The following NRXN3 variants were observed in gnomAD, a reference collection of about 807,000 sequenced individuals.
NRXN3 encodes the protein neurexin 3.
A neutral mutation model predicts 137.6 loss-of-function variants in NRXN3; 32 were observed. That is an observed-to-expected ratio of 0.23 (90% CI 0.18 to 0.31). The LOEUF (loss-of-function observed/expected upper bound fraction) is 0.31, where lower values mean the gene tolerates loss of function less well. Among genes scored for constraint, NRXN3 ranks in the 10% least tolerant of loss-of-function variants. The pLI, the probability that NRXN3 is intolerant of heterozygous loss-of-function variation, is 1.00. For synonymous variants in NRXN3, 798 were observed against 784.5 expected, an observed-to-expected ratio of 1.02 and a Z score of -0.29; for missense variants, 1,574 against 2,062.5, an observed-to-expected ratio of 0.76 and a Z score of 4.59.
chr14:79,413,327 T>A (rs2095446327), intron 15 of NRXN3, among the ~76,000 whole-genome samples: 1 of 152,154 alleles, frequency 6.6e-6, no homozygotes, highest in African/African-American at 2.4e-5. Flanking sequence ...ACAAGTAAAT[T>A]ACATGGTTTT....
chr14:78,904,975 C>G (rs1284506713), intron 10 of NRXN3, among the ~76,000 whole-genome samples: 1 of 152,008 alleles, frequency 6.6e-6, no homozygotes, highest in Non-Finnish European at 1.5e-5. Context: ...TTTCCTCTTT[C>G]AACATGATCC....
chr14:79,406,740 T>G (rs925960760), intron 15 of NRXN3, among the ~76,000 whole-genome samples: 1 of 152,148 alleles, frequency 6.6e-6, no homozygotes, highest in African/African-American at 2.4e-5. Context: ...TTGATTATTC[T>G]TAGTAGTTTT....
At chr14:78,648,442 G>C (rs2097707976) in intron 5 of NRXN3, among the ~76,000 whole-genome samples, 1 of 152,204 alleles carries the variant, frequency 6.6e-6, no homozygotes, top group Non-Finnish European at 1.5e-5. Context: ...CATTGTTCAA[G>C]AGGAATTGGG....
chr14:78,752,955 C>A (rs2098650005), intron 8 of NRXN3, among the ~76,000 whole-genome samples: 2 of 152,212 alleles, frequency 1.3e-5, no homozygotes, highest in African/African-American at 4.8e-5. Flanking sequence ...ATTGACTCAG[C>A]ATTGGCCCAC....
intron 10 of NRXN3, among the ~76,000 whole-genome samples, chr14:78,946,813 C>T (rs986608758): frequency 2.0e-5 from 3 of 152,102 alleles, no homozygotes; most frequent in African/African-American, 7.2e-5. Context: ...GCCAGGCTTG[C>T]TGTATTAAGA....
chr14:79,730,110 C>T (rs2098916425), intron 19 of NRXN3, among the ~76,000 whole-genome samples: 1 of 152,038 alleles, frequency 6.6e-6, no homozygotes, highest in Non-Finnish European at 1.5e-5. Context: ...GAGGAAGAAG[C>T]CAGATTTGTG....
chr14:78,229,930 T>A (rs935034336), intron 1 of NRXN3, among the ~76,000 whole-genome samples: 1 of 152,162 alleles, frequency 6.6e-6, no homozygotes, highest in African/African-American at 2.4e-5. Flanking sequence ...GCTCACTGGG[T>A]CACTGTTCCC....
intron 4 of NRXN3, among the ~76,000 whole-genome samples, chr14:78,329,987 C>T (rs2153568752): frequency 6.6e-6 from 1 of 152,256 alleles, no homozygotes; most frequent in South Asian, 2.1e-4. Context: ...AGCATCAAAA[C>T]AGCAGATGCT....
At chr14:78,876,436 C>G (rs1421381273) in intron 10 of NRXN3, among the ~76,000 whole-genome samples, 1 of 152,184 alleles carries the variant, frequency 6.6e-6, no homozygotes, top group Non-Finnish European at 1.5e-5. Context: ...TTATTTATTG[C>G]TTGCATTGGT....
At chr14:79,423,334 T>C (rs967969733) in intron 15 of NRXN3, among the ~76,000 whole-genome samples, 1 of 152,226 alleles carries the variant, frequency 6.6e-6, no homozygotes, top group African/African-American at 2.4e-5. Flanking sequence ...TCTGATTATA[T>C]ATCTCTTTTG....
At chr14:79,769,624 C>T (rs879273982) in intron 19 of NRXN3, among the ~76,000 whole-genome samples, 12 of 151,926 alleles carry the variant, frequency 7.9e-5, no homozygotes, top group Admixed American at 2.0e-4. Flanking sequence ...CTGAAGGAAG[C>T]GCTTAACATG....
At chr14:78,180,996 T>C (rs4903718) in intron 1 of NRXN3, among the ~76,000 whole-genome samples, 40,418 of 152,112 alleles carry the variant, frequency 0.27, 5,679 homozygotes, top group East Asian at 0.37. Flanking sequence ...CTGTCCTCGG[T>C]GTATTTTAAA....
intron 15 of NRXN3, among the ~76,000 whole-genome samples, chr14:79,123,996 C>G (rs1009965941): frequency 2.0e-5 from 3 of 152,120 alleles, no homozygotes; most frequent in South Asian, 2.1e-4. Context: ...CCTCCCCACT[C>G]CATCCCATAT....
intron 16 of NRXN3, among the ~76,000 whole-genome samples, chr14:79,511,814 A>C (rs1813036481): frequency 6.6e-6 from 1 of 152,222 alleles, no homozygotes; most frequent in African/African-American, 2.4e-5. Flanking sequence ...AAGTGTTAAA[A>C]AACATTATTA....
chr14:79,172,298 T>C (rs1316687619), intron 15 of NRXN3, among the ~76,000 whole-genome samples: 5 of 151,716 alleles, frequency 3.3e-5, no homozygotes, highest in African/African-American at 4.9e-5. Context: ...ACTTGTAGAA[T>C]GGAGAAAAAA....
At chr14:79,775,573 A>T (rs1448873539) in intron 19 of NRXN3, among the ~76,000 whole-genome samples, 3 of 149,406 alleles carry the variant, frequency 2.0e-5, no homozygotes, top group Non-Finnish European at 4.5e-5. Flanking sequence ...AAAAAAAAAA[A>T]GGAGAATCCA....
intron 4 of NRXN3, among the ~76,000 whole-genome samples, chr14:78,515,568 A>G (rs1457913674): frequency 1.3e-5 from 2 of 151,932 alleles, no homozygotes; most frequent in African/African-American, 2.4e-5. Flanking sequence ...TTTTTTTTCT[A>G]TGAAAACTAC....
At chr14:78,409,130 A>G (rs1251513981) in intron 4 of NRXN3, among the ~76,000 whole-genome samples, 1 of 152,236 alleles carries the variant, frequency 6.6e-6, no homozygotes, top group Non-Finnish European at 1.5e-5. Context: ...TACAAATACA[A>G]AGAAAAGCAA....
At chr14:79,390,123 C>T (rs1411136395) in intron 15 of NRXN3, among the ~76,000 whole-genome samples, 2 of 152,120 alleles carry the variant, frequency 1.3e-5, no homozygotes, top group East Asian at 3.9e-4. Context: ...CCAGACCATC[C>T]TGGCTAACAC....
Sources: gnomAD v4.1 joint callset for allele counts (sites outside exome capture counted in the v4.1 genomes callset) on GRCh38, gnomAD v4.1.1 for gene constraint, MANE v1.5 for transcripts, NCBI Gene and HGNC (gene_info 2026-07-23, HGNC 2026-07-21) for gene names.